Variants in FAM227B observed in about 807,000 individuals in gnomAD.
FAM227B encodes protein FAM227B.
In FAM227B, 88 loss-of-function variants were observed where a neutral mutation model predicts 73.8. The ratio of observed to expected loss-of-function variants is 1.19; its 90% confidence interval spans 1.00 to 1.42. FAM227B has a LOEUF of 1.42. FAM227B is among the 40% of genes most tolerant of loss of function. The probability of loss-of-function intolerance (pLI) is 0.00; values close to 1 mark genes in which losing one functional copy is unlikely to be tolerated. For synonymous variants in FAM227B, 210 were observed against 190.5 expected, an observed-to-expected ratio of 1.10 and a Z score of -0.84; for missense variants, 632 against 590.9, an observed-to-expected ratio of 1.07 and a Z score of -0.72.
chr15:49,439,277 GGAGA>G (rs146268849), intron 11 of FAM227B, among the ~76,000 whole-genome samples: 15 of 148,976 alleles, frequency 1.0e-4, no homozygotes, highest in African/African-American at 3.7e-4. Context: ...GAGAGGGGTA[GGAGA>G]GAGAGAGAGA....
At chr15:49,607,231 C>T (rs960860940) in intron 3 of FAM227B, among the ~76,000 whole-genome samples, 1 of 152,064 alleles carries the variant, frequency 6.6e-6, no homozygotes, top group African/African-American at 2.4e-5. Flanking sequence ...CAAAACTTTT[C>T]CAAAAAGGTC....
chr15:49,337,482 C>CATGTCTTCGTTCGAAA (rs71120678), intron 13 of FAM227B, among the ~76,000 whole-genome samples: 2 of 141,480 alleles, frequency 1.4e-5, no homozygotes, highest in African/African-American at 5.4e-5. Context: ...TGGACACTTG[C>CATGTCTTCGTTCGAAA]AATGTCTGTT....
chr15:49,384,794 T>G (rs897543169), intron 11 of FAM227B, among the ~76,000 whole-genome samples: 50 of 152,044 alleles, frequency 3.3e-4, no homozygotes, highest in Non-Finnish European at 6.8e-4. Flanking sequence ...ATAATTCCCT[T>G]AAATATTTCT....
intron 11 of FAM227B, among the ~76,000 whole-genome samples, chr15:49,479,606 T>TGTTTTTTTTTTG (rs1175144614): frequency 1.3e-5 from 1 of 77,126 alleles, no homozygotes; most frequent in African/African-American, 5.6e-5. Flanking sequence ...TCTGTTTTTT[T>TGTTTTTTTTTTG]TTTTTTTTTT....
chr15:49,503,629 A>G (rs1375260457), intron 11 of FAM227B, among the ~76,000 whole-genome samples: 2 of 152,224 alleles, frequency 1.3e-5, no homozygotes, highest in South Asian at 2.1e-4. Context: ...ATGAACAGAC[A>G]CTTCGCAAAA....
At chr15:49,386,885 A>C (rs1321614579) in intron 11 of FAM227B, among the ~76,000 whole-genome samples, 1 of 151,938 alleles carries the variant, frequency 6.6e-6, no homozygotes, top group Non-Finnish European at 1.5e-5. Context: ...ATGTGCACAA[A>C]CTAGAAAACC....
intron 11 of FAM227B, among the ~76,000 whole-genome samples, chr15:49,505,352 C>T (rs1280887547): frequency 6.6e-6 from 1 of 151,966 alleles, no homozygotes; most frequent in Non-Finnish European, 1.5e-5. Context: ...ATACATACGT[C>T]AAAACTCATC....
intron 11 of FAM227B, among the ~76,000 whole-genome samples, chr15:49,394,149 T>C (rs2047406722): frequency 6.6e-6 from 1 of 152,154 alleles, no homozygotes; most frequent in South Asian, 2.1e-4. Flanking sequence ...CCTTCTCTAA[T>C]GATTTGACTT....
intron 11 of FAM227B, among the ~76,000 whole-genome samples, chr15:49,393,393 A>G (rs539804779): frequency 1.3e-5 from 2 of 152,302 alleles, no homozygotes; most frequent in East Asian, 3.9e-4. Context: ...CCCTTTCACT[A>G]AAATATTTCC....
At chr15:49,336,922 T>C (rs1014652060) in intron 13 of FAM227B, among the ~76,000 whole-genome samples, 4 of 152,198 alleles carry the variant, frequency 2.6e-5, no homozygotes, top group Non-Finnish European at 4.4e-5. Context: ...GAGTACCCAA[T>C]ATTTAGCTCC....
At chr15:49,548,918 G>A (rs1465638697) in intron 9 of FAM227B, among the ~76,000 whole-genome samples, 2 of 151,988 alleles carry the variant, frequency 1.3e-5, no homozygotes, top group South Asian at 2.1e-4. Context: ...TCTGGCTAAC[G>A]ATTTGTCAAT....
chr15:49,498,040 C>G (rs539535399), intron 11 of FAM227B, among the ~76,000 whole-genome samples: 106 of 152,226 alleles, frequency 7.0e-4, no homozygotes, highest in African/African-American at 2.5e-3. Flanking sequence ...AAATTTAATC[C>G]AGGAAAAGAC....
intron 5 of FAM227B, among the ~76,000 whole-genome samples, chr15:49,582,464 C>A (rs955508240): frequency 6.6e-6 from 1 of 152,150 alleles, no homozygotes; most frequent in African/African-American, 2.4e-5. Context: ...CACAGGAGAA[C>A]CCAGATTCAT....
intron 11 of FAM227B, among the ~76,000 whole-genome samples, chr15:49,452,547 A>G (rs2052857210): frequency 6.6e-6 from 1 of 152,222 alleles, no homozygotes; most frequent in South Asian, 2.1e-4. Flanking sequence ...AGATTTTTTA[A>G]TGCAGTTACA....
rs1365809627 is a variant in FAM227B, at chr15:49,328,632, G to A, written c.1463C>T (p.Ser488Leu). 8.9e-6 allele frequency: 14 copies of A among 1,581,078 alleles called. No individual in the cohort carries two copies. The highest frequency in any genetic ancestry group is 4.0e-5 in the African/African-American group (3 of 74,558). ...TGATGGTGATGATGATGATGATGAC[G>A]ATAGTGATGCCACACATTCTCTCTC... ...EIERECVASLSSSSSSSPSST... is the reference protein window; with the variant it reads ...EIERECVASLLSSSSSSPSST... The change falls in exon 16 of 16, where the codon TCG becomes TTG. Residue 488 changes from serine to leucine, a missense_variant. Transcript: ENST00000299338.
At chr15:49,504,463 C>G (rs2058418861) in intron 11 of FAM227B, among the ~76,000 whole-genome samples, 1 of 151,982 alleles carries the variant, frequency 6.6e-6, no homozygotes, top group South Asian at 2.1e-4. Context: ...TTGTTCATAA[C>G]TTTGTTACTC....
intron 13 of FAM227B, among the ~76,000 whole-genome samples, chr15:49,362,369 G>A (rs572453587): frequency 6.6e-6 from 1 of 152,144 alleles, no homozygotes; most frequent in East Asian, 1.9e-4. Context: ...TGCTGTGATT[G>A]TAAGTTTCCT....
At chr15:49,475,343 G>T (rs1413740944) in intron 11 of FAM227B, among the ~76,000 whole-genome samples, 1 of 152,186 alleles carries the variant, frequency 6.6e-6, no homozygotes, top group Admixed American at 6.5e-5. Flanking sequence ...AAAATGAGCA[G>T]ATTCTGGCTA....
chr15:49,369,009 A>T (rs2045591666), intron 12 of FAM227B, among the ~76,000 whole-genome samples: 2 of 152,066 alleles, frequency 1.3e-5, no homozygotes, highest in Non-Finnish European at 2.9e-5. Context: ...CTCGCTCTGG[A>T]GTGCAGTAGC....
Sources: allele counts gnomAD v4.1 joint callset (sites outside exome capture counted in the v4.1 genomes callset), GRCh38; gene constraint gnomAD v4.1.1; transcripts MANE v1.5; gene names NCBI Gene and HGNC (gene_info 2026-07-23, HGNC 2026-07-21).